The following GABRA2 variants were observed in gnomAD, a reference collection of about 807,000 sequenced individuals.
GABRA2 encodes gamma-aminobutyric acid type A receptor subunit alpha2.
GABRA2 carries 16 observed loss-of-function variants against 48.7 expected under a neutral mutation model. The observed-to-expected ratio is 0.33, with a 90% CI of 0.22 to 0.50. GABRA2 has a LOEUF of 0.50. GABRA2 is among the 20% of genes least tolerant of loss of function. The pLI is 0.98. For synonymous variants in GABRA2, 185 were observed against 184.5 expected (o/e 1.00, Z -0.02); for missense variants, 275 against 535.6 (o/e 0.51, Z 4.80).
At position 46,390,056 on chromosome 4, in the gene GABRA2, G is replaced by C. The variant is rs1462745084; in HGVS notation, c.-332C>G. Reference sequence around the variant, plus strand: ...GAAAACGATGACAGGAGCTGGGGCCGGGGGGGGAAATTGGGGGGACGCGGG... The same window carrying C: ...GAAAACGATGACAGGAGCTGGGGCCCGGGGGGGAAATTGGGGGGACGCGGG... On this transcript the variant is annotated 5_prime_UTR_variant, in exon 1 of 10. Transcript: ENST00000381620. The C allele has an allele frequency of 1.8e-4, 31 of 174,914 alleles. 1 individual carries two copies. Among genetic ancestry groups the C allele is most frequent in the South Asian group, 1.1e-3 (3 of 2,694 alleles). 10.8% of individuals were successfully genotyped at this position (174,914 alleles called of 1,614,324 possible).
intron 4 of GABRA2, among the ~76,000 whole-genome samples, chr4:46,323,790 G>A (rs1729860851): frequency 6.6e-6 from 1 of 151,470 alleles, no homozygotes. Flanking sequence ...AAGAGGACTG[G>A]TGACTTGGAG....
chr4:46,378,569 A>G (rs1250272838), intron 3 of GABRA2, among the ~76,000 whole-genome samples: 3 of 151,556 alleles, frequency 2.0e-5, no homozygotes, highest in Non-Finnish European at 4.4e-5. Context: ...ACCTTTGTTC[A>G]CTTGTTTATC....
At chr4:46,371,222 T>C (rs925137242) in intron 3 of GABRA2, among the ~76,000 whole-genome samples, 1 of 152,162 alleles carries the variant, frequency 6.6e-6, no homozygotes, top group Non-Finnish European at 1.5e-5. Context: ...AAAGTGGTCT[T>C]TGTCAAGCTC....
chr4:46,340,392 C>A (rs1733011271), intron 3 of GABRA2, among the ~76,000 whole-genome samples: 1 of 151,940 alleles, frequency 6.6e-6, no homozygotes, highest in Non-Finnish European at 1.5e-5. Context: ...TCCCTTCTCA[C>A]AAGCTCTGGC....
intron 7 of GABRA2, 120 bp downstream of exon 7, chr4:46,305,448 T>C: frequency 1.2e-6 from 1 of 806,064 alleles, no homozygotes; most frequent in Non-Finnish European, 2.0e-6. Context: ...AAGCACAGCC[T>C]ATGCTGCTAG....
intron 3 of GABRA2, chr4:46,364,121 C>T (rs1713664582): frequency 6.6e-6 from 1 of 152,120 alleles, no homozygotes; most frequent in African/African-American, 2.4e-5. Flanking sequence ...CATGTAAGAT[C>T]CCAAGCCTTG....
intron 8 of GABRA2, among the ~76,000 whole-genome samples, chr4:46,275,511 A>G (rs927876577): frequency 6.6e-6 from 1 of 152,130 alleles, no homozygotes; most frequent in African/African-American, 2.4e-5. Context: ...GTGCCCCTCT[A>G]TAGAAGAGGT....
intron 8 of GABRA2, among the ~76,000 whole-genome samples, chr4:46,271,475 A>G (rs1479589694): frequency 6.6e-6 from 1 of 151,936 alleles, no homozygotes; most frequent in African/African-American, 2.4e-5. Context: ...TAAAATAAAC[A>G]TTTACAAATA....
chr4:46,384,168 A>T (rs773453755), intron 3 of GABRA2, among the ~76,000 whole-genome samples: 10 of 152,144 alleles, frequency 6.6e-5, no homozygotes, highest in Non-Finnish European at 1.2e-4. Context: ...TCCAAGGAAT[A>T]TGTTCCTTCC....
intron 3 of GABRA2, among the ~76,000 whole-genome samples, chr4:46,353,373 T>C (rs998617469): frequency 6.6e-5 from 10 of 152,226 alleles, no homozygotes; most frequent in African/African-American, 2.4e-4. Flanking sequence ...CAGTCTACTC[T>C]CACCACTGCA....
At chr4:46,271,088 C>T (rs1314294148) in intron 8 of GABRA2, among the ~76,000 whole-genome samples, 2 of 151,746 alleles carry the variant, frequency 1.3e-5, no homozygotes, top group African/African-American at 2.4e-5. Context: ...AAAATAAAAC[C>T]TTCCTATGTA....
chr4:46,292,553 A>G (rs1723878587), intron 8 of GABRA2, among the ~76,000 whole-genome samples: 1 of 152,192 alleles, frequency 6.6e-6, no homozygotes, highest in Admixed American at 6.5e-5. Flanking sequence ...ATCAGGCTGA[A>G]TTTGTCGATT....
chr4:46,365,092 G>A (rs1713837156), intron 3 of GABRA2: 1 of 152,030 alleles, frequency 6.6e-6, no homozygotes, highest in African/African-American at 2.4e-5. Flanking sequence ...TTTATGCAAG[G>A]GAAATACAAC....
chr4:46,339,827 T>C (rs1480186126), intron 3 of GABRA2, among the ~76,000 whole-genome samples: 6 of 151,852 alleles, frequency 4.0e-5, no homozygotes, highest in Non-Finnish European at 8.8e-5. Flanking sequence ...TGATGATTTA[T>C]TTCATGTAGT....
At chr4:46,322,070 G>T (rs1029029196) in intron 4 of GABRA2, among the ~76,000 whole-genome samples, 1 of 151,966 alleles carries the variant, frequency 6.6e-6, no homozygotes, top group Non-Finnish European at 1.5e-5. Context: ...AAAAATGTAT[G>T]TTCCCGTTTT....
chr4:46,316,859 T>C (rs1310675801), intron 4 of GABRA2, among the ~76,000 whole-genome samples: 1 of 151,966 alleles, frequency 6.6e-6, no homozygotes. Flanking sequence ...CTGGCTTTTC[T>C]TTCTCTTGAC....
intron 3 of GABRA2, among the ~76,000 whole-genome samples, chr4:46,336,307 T>C (rs1732227752): frequency 6.6e-6 from 1 of 152,164 alleles, no homozygotes; most frequent in African/African-American, 2.4e-5. Flanking sequence ...TCCATTTCCA[T>C]TGACAAAGGC....
At chr4:46,326,047 A>G (rs935996586) in intron 4 of GABRA2, among the ~76,000 whole-genome samples, 3 of 151,966 alleles carry the variant, frequency 2.0e-5, no homozygotes, top group Admixed American at 2.0e-4. Flanking sequence ...TGCTTTGGCT[A>G]TTCAGGCTCT....
intron 3 of GABRA2, among the ~76,000 whole-genome samples, chr4:46,374,345 T>C (rs1214964802): frequency 1.3e-5 from 2 of 152,142 alleles, no homozygotes; most frequent in Non-Finnish European, 2.9e-5. Context: ...TTATCTTATG[T>C]CCTGGGAAGT....
Sources: allele counts gnomAD v4.1 joint callset (sites outside exome capture counted in the v4.1 genomes callset), GRCh38; gene constraint gnomAD v4.1.1; transcripts MANE v1.5; gene names NCBI Gene and HGNC (gene_info 2026-07-23, HGNC 2026-07-21).